DGKZ: variants seen among roughly 807,000 people sequenced by gnomAD.
DGKZ encodes the protein diacylglycerol kinase zeta.
A neutral mutation model predicts 142.5 loss-of-function variants in DGKZ; 45 were observed. The observed-to-expected ratio is 0.32, with a 90% CI of 0.25 to 0.40. The LOEUF (loss-of-function observed/expected upper bound fraction) is 0.40. DGKZ is among the 10% of genes least tolerant of loss of function. The pLI is 1.00. For synonymous variants in DGKZ, 442 were observed against 527.0 expected, an observed-to-expected ratio of 0.84 and a Z score of 2.21; for missense variants, 755 against 1,306.5, an observed-to-expected ratio of 0.58 and a Z score of 6.51.
exon 1 of DGKZ, chr11:46,333,293 C>T (rs1210699057): frequency 7.9e-7 from 1 of 1,266,918 alleles, no homozygotes; most frequent in Non-Finnish European, 9.9e-7. Flanking sequence ...AGGGGCAGGG[C>T]GGCGGAGGGC....
chr11:46,365,833 ATTTTCTTTTTG>A, intron 1 of DGKZ: 2 of 985,200 alleles, frequency 2.0e-6, no homozygotes, highest in South Asian at 9.4e-5. Flanking sequence ...CCGACTCCCC[ATTTTCTTTTTG>A]TTTTCTTTTC....
chr11:46,376,714 G>T, intron 24 of DGKZ, 150 bp downstream of exon 24: 3 of 1,069,020 alleles, frequency 2.8e-6, no homozygotes, highest in Non-Finnish European at 4.1e-6. Flanking sequence ...TGCATGGACA[G>T]CGTGCGGCCC....
chr11:46,372,392 C>T lies in DGKZ; in HGVS notation c.928-36C>T. 6.2e-7 allele frequency: 1 copy of T among 1,609,798 alleles called. No homozygotes were observed. Among genetic ancestry groups the T allele is most frequent in the South Asian group, 1.1e-5 (1 of 90,974 alleles). ...CTGCTGCTCCCACTTCGTCCCACCA[C>T]TGCCTGACTGTCTCTTGGCTCCCCA... On this transcript the variant is annotated intron_variant, in intron 10 of 30. Transcript: ENST00000527911. This position sits in a 1 kb window ranked among gnomAD's most constrained non-coding sequence, Gnocchi z 5.9.
intron 25 of DGKZ, chr11:46,377,959 C>G (rs1281918875): frequency 3.3e-6 from 2 of 597,644 alleles, no homozygotes; most frequent in Non-Finnish European, 6.0e-6. Flanking sequence ...CCCCTGCTCT[C>G]AGAACTCCTT....
rs376234143 is a variant in DGKZ, at chr11:46,371,476, G to T, written c.643-11G>T. 1.9e-6 allele frequency: 3 copies of T among 1,599,802 alleles called. No individual in the cohort carries two copies. Among genetic ancestry groups the T allele is most frequent in the Non-Finnish European group, 2.6e-6 (3 of 1,172,178 alleles). On this transcript the variant is annotated splice_polypyrimidine_tract_variant and intron_variant, in intron 7 of 30. Coordinates refer to ENST00000527911, the Ensembl canonical transcript of DGKZ. ...ACGGTCCCGCTGAGCCCGGCCCCTC[G>T]CTCTCCTCAGTACCACAGCAAGGTG...
chr11:46,371,212 C>A, intron 6 of DGKZ, 101 bp from the exon 7 acceptor site: 1 of 1,152,326 alleles, frequency 8.7e-7, no homozygotes, highest in South Asian at 1.4e-5. Context: ...GGCAACATAG[C>A]GAGGCCCTGT....
chr11:46,375,119 A>G (rs1944392511), intron 19 of DGKZ, 74 bp downstream of exon 19: 7 of 1,367,328 alleles, frequency 5.1e-6, no homozygotes, highest in Non-Finnish European at 6.8e-6. Context: ...ACTCACCTCC[A>G]TGGGCCACGG....
chr11:46,374,633 C>T, exon 17 of DGKZ: 1 of 1,579,984 alleles, frequency 6.3e-7, no homozygotes, highest in Non-Finnish European at 8.6e-7. Context: ...TGATGGGCAG[C>T]TCCAAGGACC....
chr11:46,363,509 C>A (rs1328786420), intron 1 of DGKZ, among the ~76,000 whole-genome samples: 1 of 152,184 alleles, frequency 6.6e-6, no homozygotes, highest in African/African-American at 2.4e-5. Context: ...AGATGTGGAC[C>A]TGGGCTGCCT....
chr11:46,345,289 G>T, upstream of DGKZ: 1 of 1,359,364 alleles, frequency 7.4e-7, no homozygotes, highest in Non-Finnish European at 9.4e-7. The surrounding 1 kb of genome is among the most constrained non-coding windows in gnomAD (Gnocchi z 4.1). Context: ...CCAGCGGAAG[G>T]CGCCTATGAG....
intron 1 of DGKZ, among the ~76,000 whole-genome samples, chr11:46,356,136 G>A (rs1470446363): frequency 1.3e-5 from 2 of 152,228 alleles, no homozygotes; most frequent in Non-Finnish European, 2.9e-5. Context: ...AGAAGACAAG[G>A]ATGGGACGGT....
At chr11:46,375,629 C>T (rs1297476347) in exon 20 of DGKZ, 3 of 1,560,230 alleles carry the variant, frequency 1.9e-6, no homozygotes, top group Non-Finnish European at 2.6e-6. Flanking sequence ...CCCTGCACAG[C>T]GAGTACGTCC....
At chr11:46,361,246 A>AG (rs1234406912) in intron 1 of DGKZ, among the ~76,000 whole-genome samples, 1 of 152,214 alleles carries the variant, frequency 6.6e-6, no homozygotes, top group African/African-American at 2.4e-5. Flanking sequence ...GTGGCTAAAT[A>AG]GGGGGCATTA....
In DGKZ at chr11:46,367,137, T is replaced by C. The variant is rs1460997066; in HGVS notation, c.162-154T>C. On this transcript the variant is annotated intron_variant, in intron 1 of 30. Transcript: ENST00000527911. The surrounding 1 kb of genome is among the most constrained non-coding windows in gnomAD (Gnocchi z 4.1). ...CCAGCGTACCCCAAAAGGCCATGTC[T>C]CTTGCAGGGAGCCTCTTAGTGTCTG... Among the ~76,000 whole-genome samples, 1 of 152,236 alleles carries C rather than the reference T, an allele frequency of 6.6e-6. No homozygotes were observed. The highest frequency in any genetic ancestry group is 1.5e-5 in the Non-Finnish European group (1 of 68,030).
chr11:46,347,183 G>T (rs370306280), upstream of DGKZ, among the ~76,000 whole-genome samples: 28 of 152,270 alleles, frequency 1.8e-4, no homozygotes, highest in East Asian at 5.2e-3. The surrounding 1 kb of genome is among the most constrained non-coding windows in gnomAD (Gnocchi z 6.4). Flanking sequence ...GGAGGGATCG[G>T]GGGAGGAAAG....
In DGKZ at chr11:46,375,512, G is replaced by A. The variant is rs777928991; in HGVS notation, c.1791G>A (p.Pro597=). 3.2e-5 allele frequency: 51 copies of A among 1,590,682 alleles called. 1 individual carries two copies. Among genetic ancestry groups the A allele is most frequent in the East Asian group, 2.0e-4 (9 of 44,166 alleles). Reference sequence around the variant, plus strand: ...TGCTCACCACATCCAAGGCCATCCCGGTGCAGGTGGATGGCGAGCCCTGCA... The same window carrying A: ...TGCTCACCACATCCAAGGCCATCCCAGTGCAGGTGGATGGCGAGCCCTGCA... The change falls in exon 20 of 31, where the codon CCG becomes CCA. Residue 597 remains proline (P), a synonymous_variant. Transcript: ENST00000527911.
chr11:46,366,221 C>G, intron 1 of DGKZ: 13 of 1,535,284 alleles, frequency 8.5e-6, no homozygotes, highest in Non-Finnish European at 1.0e-5. Flanking sequence ...GCTCCTGATG[C>G]TCCCGGTCTC....
intron 1 of DGKZ, among the ~76,000 whole-genome samples, chr11:46,357,927 T>A (rs758027571): frequency 2.0e-5 from 3 of 152,210 alleles, no homozygotes; most frequent in Admixed American, 6.5e-5. Flanking sequence ...GAGAATAGGC[T>A]GGCTTGGTTA....
At chr11:46,373,222 C>T (rs1327317460) in intron 14 of DGKZ, 121 bp downstream of exon 14, 6 of 1,148,018 alleles carry the variant, frequency 5.2e-6, no homozygotes, top group Admixed American at 6.3e-5. Context: ...CCACTTCTTC[C>T]TTGTACGATG....
Sources: allele counts gnomAD v4.1 joint callset (sites outside exome capture counted in the v4.1 genomes callset), GRCh38; gene constraint gnomAD v4.1.1; non-coding constraint Gnocchi (gnomAD v3.1); transcripts MANE v1.5; gene names NCBI Gene and HGNC (gene_info 2026-07-23, HGNC 2026-07-21).